The following SVEP1 variants were observed in gnomAD, a reference collection of about 807,000 sequenced individuals.
SVEP1 encodes sushi, von Willebrand factor type A, EGF and pentraxin domain containing 1.
A neutral mutation model predicts 367.3 loss-of-function variants in SVEP1; 164 were observed. That is an observed-to-expected ratio of 0.45 (90% CI 0.39 to 0.51). SVEP1 has a LOEUF of 0.51. Ranked by LOEUF, SVEP1 falls within the 20% of genes least tolerant of loss-of-function variation. The pLI is 0.00. For synonymous variants in SVEP1, 1,666 were observed against 1,611.6 expected, an observed-to-expected ratio of 1.03 and a Z score of -0.81; for missense variants, 4,117 against 4,425.3, an observed-to-expected ratio of 0.93 and a Z score of 1.98.
chr9:110,509,921 T>C (rs565872618), intron 5 of SVEP1, among the ~76,000 whole-genome samples: 1 of 151,666 alleles, frequency 6.6e-6, no homozygotes, highest in East Asian at 2.2e-4. Context: ...TTGTGACAAG[T>C]TAGTTACATT....
intron 8 of SVEP1, among the ~76,000 whole-genome samples, chr9:110,495,896 A>T (rs1829438037): frequency 6.6e-6 from 1 of 152,142 alleles, no homozygotes; most frequent in South Asian, 2.1e-4. Flanking sequence ...AAAAATACAC[A>T]ATCATTTTGG....
rs758011015 is a variant in SVEP1 at position 110,407,397 on chromosome 9, T to G, written c.8203A>C (p.Met2735Leu). The change falls in exon 38 of 48, where the codon ATG becomes CTG. Residue 2735 changes from methionine to leucine, a missense_variant. By Grantham distance (15) the Met-to-Leu change is conservative. This residue lies in a region of SVEP1 where 1,765 missense variants were observed against 1,781.1 expected (regional missense o/e 0.99). Transcript: ENST00000374469. Reference sequence around the variant, plus strand: ...CAGCTATACTGCACAGCACTTCCCATGCTAGTCTCTGTAAAACGCAAAAAG... The same window carrying G: ...CAGCTATACTGCACAGCACTTCCCAGGCTAGTCTCTGTAAAACGCAAAAAG... The part of the protein sequence containing the change: ...NGFLRFTETS[M>L]GSAVQYSCKP... The G allele has an allele frequency of 5.0e-6, 8 of 1,613,886 alleles. No homozygotes were observed. Among genetic ancestry groups the G allele is most frequent in the Non-Finnish European group, 6.8e-6 (8 of 1,179,906 alleles).
chr9:110,491,753 T>C (rs1410067327), intron 8 of SVEP1, among the ~76,000 whole-genome samples: 1 of 151,956 alleles, frequency 6.6e-6, no homozygotes, highest in African/African-American at 2.4e-5. Flanking sequence ...GAATAGATAA[T>C]AGACATACAG....
intron 18 of SVEP1, among the ~76,000 whole-genome samples, chr9:110,465,268 C>A (rs539257988): frequency 6.6e-6 from 1 of 151,460 alleles, no homozygotes; most frequent in East Asian, 1.9e-4. Flanking sequence ...TTTTCCTAAT[C>A]ACTTCAAATA....
intron 35 of SVEP1, among the ~76,000 whole-genome samples, 170 bp downstream of exon 35, chr9:110,428,973 G>A (rs1282935933): frequency 6.6e-6 from 1 of 152,210 alleles, no homozygotes; most frequent in Admixed American, 6.5e-5. Flanking sequence ...GGAGGCTGAA[G>A]TGGGAGGATC....
At chr9:110,375,490 A>AG (rs1554709562) in intron 45 of SVEP1, 27 bp from the exon 46 acceptor site, 3 of 1,338,824 alleles carry the variant, frequency 2.2e-6, no homozygotes, top group African/African-American at 1.6e-5. Context: ...AAAAAAAAAA[A>AG]GGAGGCAGGG....
intron 1 of SVEP1, among the ~76,000 whole-genome samples, chr9:110,561,328 T>C (rs1830424451): frequency 6.6e-6 from 1 of 152,182 alleles, no homozygotes; most frequent in Non-Finnish European, 1.5e-5. Flanking sequence ...GTACCCCCAC[T>C]CACATTCCAT....
intron 26 of SVEP1, among the ~76,000 whole-genome samples, 195 bp from the exon 27 acceptor site, chr9:110,443,915 T>C (rs898309980): frequency 2.6e-5 from 4 of 152,326 alleles, no homozygotes; most frequent in Non-Finnish European, 4.4e-5. Context: ...TACTTTATTG[T>C]AGCTCACTGA....
intron 23 of SVEP1, 122 bp downstream of exon 23, chr9:110,451,167 A>T: frequency 1.3e-6 from 1 of 742,124 alleles, no homozygotes; most frequent in Non-Finnish European, 2.2e-6. Flanking sequence ...ACTTTCTCTT[A>T]CATAATCACC....
chr9:110,552,470 T>A (rs1330978858), intron 1 of SVEP1, among the ~76,000 whole-genome samples: 1 of 152,174 alleles, frequency 6.6e-6, no homozygotes, highest in African/African-American at 2.4e-5. Context: ...TATTGTGCAC[T>A]TTATTTCTAT....
In SVEP1 at chr9:110,435,501, G is replaced by A. The variant is rs916739121; in HGVS notation, c.4765-137C>T. 3 of 962,258 alleles carry A rather than the reference G, an allele frequency of 3.1e-6. No individual in the cohort carries two copies. In the African/African-American group the frequency reaches 5.0e-5, roughly 16 times the overall value. The allele number at this position is 962,258 out of a possible 1,614,324, so 59.6% of individuals were successfully genotyped here. A position where few individuals can be genotyped will look rare whatever the true frequency, so the allele number is the denominator to read the frequency against. On this transcript the variant is annotated intron_variant, in intron 28 of 47. Transcript: ENST00000374469. ...TGGAGGGAAGCAGGTATGATTTCAG[G>A]GGCAGCAGGAGATTCTCTTCTGTTT...
intron 39 of SVEP1, among the ~76,000 whole-genome samples, chr9:110,401,260 T>C (rs921611909): frequency 6.6e-6 from 1 of 152,152 alleles, no homozygotes; most frequent in Non-Finnish European, 1.5e-5. Context: ...ATTTTCTTCC[T>C]AATAGAATCT....
At chr9:110,501,670 A>G (rs981434559) in intron 6 of SVEP1, among the ~76,000 whole-genome samples, 1 of 152,184 alleles carries the variant, frequency 6.6e-6, no homozygotes, top group Non-Finnish European at 1.5e-5. Context: ...TTGTTTCTCC[A>G]TAAGTGGCTG....
At position 110,387,460 on chromosome 9, in the gene SVEP1, T is replaced by TA; in HGVS notation, c.9887-3dup. On this transcript the variant is annotated splice_region_variant and splice_polypyrimidine_tract_variant and intron_variant, in intron 41 of 47. Coordinates refer to ENST00000374469, the MANE Select transcript of SVEP1 (RefSeq NM_153366.4). ...CAAGTGGAGTTTCACACCTGGTCTCTAAAAACAAGAATAAAAGCCTCATAT... is the reference window on the plus strand; with the variant it reads ...CAAGTGGAGTTTCACACCTGGTCTCTAAAAAACAAGAATAAAAGCCTCATAT... The TA allele has an allele frequency of 6.3e-7, 1 of 1,594,910 alleles. No homozygotes were observed. The highest frequency in any genetic ancestry group is 8.5e-7 in the Non-Finnish European group (1 of 1,174,646).
chr9:110,434,621 G>T, intron 29 of SVEP1, 115 bp from the exon 30 acceptor site: 51 of 476,890 alleles, frequency 1.1e-4, no homozygotes, highest in Middle Eastern at 2.0e-3. Flanking sequence ...TTACTGATGT[G>T]AAAACAAGTT....
At chr9:110,546,895 C>T (rs1830227590) in intron 2 of SVEP1, among the ~76,000 whole-genome samples, 1 of 152,176 alleles carries the variant, frequency 6.6e-6, no homozygotes, top group African/African-American at 2.4e-5. Context: ...AGTGACTTGA[C>T]AGGGTGGGTA....
At chr9:110,463,498 A>G (rs1828890197) in intron 18 of SVEP1, among the ~76,000 whole-genome samples, 1 of 152,044 alleles carries the variant, frequency 6.6e-6, no homozygotes, top group African/African-American at 2.4e-5. Context: ...ATAAAACAGT[A>G]CACTATAAAA....
chr9:110,432,314 A>T, intron 31 of SVEP1, 148 bp downstream of exon 31: 1 of 1,054,218 alleles, frequency 9.5e-7, no homozygotes, highest in South Asian at 1.8e-5. Context: ...CTCTACATAC[A>T]GCTGCTTTGT....
At chr9:110,468,822 T>C (rs1017056372) in intron 17 of SVEP1, 118 bp downstream of exon 17, 14 of 982,310 alleles carry the variant, frequency 1.4e-5, no homozygotes, top group East Asian at 2.7e-5. Flanking sequence ...ATCTATCTTT[T>C]GCCACAGGGG....
Sources: gnomAD v4.1 joint callset for allele counts (sites outside exome capture counted in the v4.1 genomes callset) on GRCh38, gnomAD v4.1.1 for gene constraint, gnomAD v4.1.1 regional missense constraint, MANE v1.5 for transcripts, NCBI Gene and HGNC (gene_info 2026-07-23, HGNC 2026-07-21) for gene names.